PARP8: variants seen among roughly 807,000 people sequenced by gnomAD.
The protein encoded by PARP8 is protein mono-ADP-ribosyltransferase PARP8.
Under a neutral mutation model 124.1 loss-of-function variants are expected in PARP8, and 51 were observed. The ratio of observed to expected loss-of-function variants is 0.41; its 90% confidence interval spans 0.33 to 0.52. PARP8 has a LOEUF of 0.52. Among genes scored for constraint, PARP8 ranks in the 20% least tolerant of loss-of-function variants. PARP8 has a pLI of 0.21. For synonymous variants in PARP8, 391 were observed against 361.5 expected (o/e 1.08, Z -0.93); for missense variants, 860 against 1,018.9 (o/e 0.84, Z 2.12).
intron 15 of PARP8, among the ~76,000 whole-genome samples, chr5:50,817,349 C>G (rs1322067477): frequency 1.3e-5 from 2 of 152,158 alleles, no homozygotes; most frequent in Admixed American, 1.3e-4. Flanking sequence ...ACTCCAAAGA[C>G]AGCATTTTTT....
intron 2 of PARP8, among the ~76,000 whole-genome samples, chr5:50,720,232 C>CA (rs1755739754): frequency 6.6e-6 from 1 of 152,068 alleles, no homozygotes; most frequent in Admixed American, 6.6e-5. Flanking sequence ...AGTTTGCATT[C>CA]AGTGGGGATT....
chr5:50,690,677 C>T (rs1331653057), intron 2 of PARP8, among the ~76,000 whole-genome samples: 1 of 152,128 alleles, frequency 6.6e-6, no homozygotes, highest in East Asian at 1.9e-4. Flanking sequence ...ATCTATTCAC[C>T]TAGTCCAATC....
chr5:50,790,178 G>A (rs1278616880), intron 10 of PARP8, among the ~76,000 whole-genome samples: 1 of 152,078 alleles, frequency 6.6e-6, no homozygotes, highest in Non-Finnish European at 1.5e-5. Context: ...AACCCTTAAT[G>A]TTTAGAATTC....
chr5:50,704,155 G>A (rs1353373504), intron 2 of PARP8, among the ~76,000 whole-genome samples: 7 of 152,032 alleles, frequency 4.6e-5, no homozygotes, highest in Admixed American at 3.3e-4. Context: ...GCCTTAAGCT[G>A]GAGAGTTTAG....
At chr5:50,681,670 A>C (rs1481356120) in intron 2 of PARP8, among the ~76,000 whole-genome samples, 2 of 152,206 alleles carry the variant, frequency 1.3e-5, no homozygotes, top group Admixed American at 1.3e-4. Context: ...CTCAAGAATC[A>C]GAACAGGGTT....
chr5:50,824,412 C>G (rs1359241720), intron 17 of PARP8, among the ~76,000 whole-genome samples: 1 of 151,980 alleles, frequency 6.6e-6, no homozygotes, highest in East Asian at 1.9e-4. Flanking sequence ...TTTTTAAAGG[C>G]AGAGGAGAGG....
At chr5:50,685,964 C>G (rs956558020) in intron 2 of PARP8, among the ~76,000 whole-genome samples, 1 of 152,176 alleles carries the variant, frequency 6.6e-6, no homozygotes, top group African/African-American at 2.4e-5. Flanking sequence ...TGGGTAGGGA[C>G]ACAGCCAAAC....
chr5:50,704,015 A>G (rs1253382960), intron 2 of PARP8, among the ~76,000 whole-genome samples: 1 of 152,006 alleles, frequency 6.6e-6, no homozygotes, highest in African/African-American at 2.4e-5. Flanking sequence ...ATTATGATCT[A>G]TTTTATTGTT....
rs139133022 is a variant in PARP8, at chr5:50,806,723, A to G, written c.1576-8709A>G. On this transcript the variant is annotated intron_variant, in intron 14 of 25. Transcript: ENST00000281631. ...AAGAGAGATAGACACAGGAAGAACT[A>G]TCTCTTGGTTCTGTGAAACAGATAT... is the stretch of plus-strand genomic sequence containing the variant. Among the ~76,000 whole-genome samples, 50 of 152,222 alleles carry G rather than the reference A, an allele frequency of 3.3e-4. 1 individual carries two copies. The East Asian group carries it at 7.1e-3, about 22-fold the overall frequency.
chr5:50,668,283 A>G (rs1749597039), intron 2 of PARP8, 158 bp downstream of exon 2: 2 of 677,714 alleles, frequency 3.0e-6, no homozygotes, highest in South Asian at 3.3e-5. Flanking sequence ...TCGGTTTTAA[A>G]TAGCAGGAGG....
intron 7 of PARP8, among the ~76,000 whole-genome samples, chr5:50,775,426 G>C (rs539953994): frequency 6.6e-6 from 1 of 152,124 alleles, no homozygotes; most frequent in Non-Finnish European, 1.5e-5. Flanking sequence ...GTGGCGGCGC[G>C]TGCCTGTGAT....
chr5:50,693,611 T>G (rs1213731931), intron 2 of PARP8, among the ~76,000 whole-genome samples: 1 of 151,670 alleles, frequency 6.6e-6, no homozygotes, highest in African/African-American at 2.4e-5. Flanking sequence ...AGCACTTAAT[T>G]TATATAATTT....
chr5:50,666,929 C>T lies in PARP8; in HGVS notation c.-167C>T. 7.0e-7 allele frequency: 1 copy of T among 1,427,988 alleles called. No individual in the cohort carries two copies. 88.5% of individuals were successfully genotyped at this position (1,427,988 alleles called of 1,614,324 possible). The stretch of plus-strand genomic sequence containing the variant: ...CCTCCTCCTCCTCCTCCCCCTCCTC[C>T]TCCTCCTCTTCTCTCACCCAGGATC... On this transcript the variant is annotated 5_prime_UTR_variant, in exon 1 of 26. Transcript: ENST00000281631.
intron 3 of PARP8, 90 bp from the exon 4 acceptor site, chr5:50,759,553 G>A: frequency 7.5e-7 from 1 of 1,341,122 alleles, no homozygotes; most frequent in Non-Finnish European, 9.8e-7. Flanking sequence ...TGGAACTAAA[G>A]TGATGTGCAT....
chr5:50,700,564 G>T (rs575540196), intron 2 of PARP8, among the ~76,000 whole-genome samples: 137 of 152,274 alleles, frequency 9.0e-4, no homozygotes, highest in African/African-American at 3.3e-3. Context: ...AGTGAAATTG[G>T]AGACTTAATT....
chr5:50,788,241 G>A (rs1328328972), intron 9 of PARP8, among the ~76,000 whole-genome samples: 3 of 143,142 alleles, frequency 2.1e-5, no homozygotes, highest in Admixed American at 1.4e-4. Flanking sequence ...TTATTATACA[G>A]TATAATGTAT....
rs1204171555 is a variant in PARP8 at position 50,843,136 on chromosome 5, G to A, written c.*1068G>A. 8 of 151,494 alleles carry A rather than the reference G, an allele frequency of 5.3e-5. No individual in the cohort carries two copies. The highest frequency in any genetic ancestry group is 2.6e-4 in the Admixed American group (4 of 15,136). The allele number at this position is 151,494 out of a possible 1,614,324, so 9.4% of individuals were successfully genotyped here. On this transcript the variant is annotated 3_prime_UTR_variant, in exon 26 of 26. Transcript: ENST00000281631. ...TTTTATATTAAAAGACCACAAATAAGTTTATAGAGAACAGTAACACCAGCT... is the reference window on the plus strand; with the variant it reads ...TTTTATATTAAAAGACCACAAATAAATTTATAGAGAACAGTAACACCAGCT...
At chr5:50,729,298 A>C (rs1217144256) in intron 2 of PARP8, among the ~76,000 whole-genome samples, 1 of 152,014 alleles carries the variant, frequency 6.6e-6, no homozygotes, top group African/African-American at 2.4e-5. Context: ...CTAAGGAAAG[A>C]GCATACAGGG....
intron 2 of PARP8, chr5:50,744,772 G>A: frequency 1.4e-6 from 1 of 701,554 alleles, no homozygotes; most frequent in Non-Finnish European, 2.6e-6. Context: ...GAGGACAAAA[G>A]ATGAGTATGA....
Sources: allele counts gnomAD v4.1 joint callset (sites outside exome capture counted in the v4.1 genomes callset), GRCh38; gene constraint gnomAD v4.1.1; transcripts MANE v1.5; gene names NCBI Gene and HGNC (gene_info 2026-07-23, HGNC 2026-07-21).